TBC1D21: variants seen among roughly 807,000 people sequenced by gnomAD.
TBC1D21 encodes male germ cell Rab GTPase-activating protein.
In TBC1D21, 38 loss-of-function variants were observed where a neutral mutation model predicts 46.0. That is an observed-to-expected ratio of 0.83 (90% CI 0.64 to 1.08). The LOEUF (loss-of-function observed/expected upper bound fraction) is 1.08, where lower values mean the gene tolerates loss of function less well. TBC1D21 is among the 50% of genes least tolerant of loss of function. The probability of loss-of-function intolerance (pLI) is 0.00; values close to 1 mark genes in which losing one functional copy is unlikely to be tolerated. For missense variants in TBC1D21, 415 were observed against 417.9 expected (o/e 0.99, Z 0.06); for synonymous variants, 151 against 157.2 (o/e 0.96, Z 0.29).
chr15:73,889,437 C>T (rs776462490), downstream of TBC1D21, among the ~76,000 whole-genome samples: 1 of 152,178 alleles, frequency 6.6e-6, no homozygotes, highest in Non-Finnish European at 1.5e-5. Flanking sequence ...TAGAGTAGAA[C>T]CAGCTCTGAA....
At chr15:73,893,476 C>G (rs1380664729), downstream of TBC1D21, among the ~76,000 whole-genome samples, 3 of 152,208 alleles carry the variant, frequency 2.0e-5, no homozygotes, top group Non-Finnish European at 4.4e-5. Context: ...CCTCACCTCT[C>G]TTTCACTCTT....
chr15:73,894,714 C>T, the TBC1D21 span, among the ~76,000 whole-genome samples: 31 of 152,106 alleles, frequency 2.0e-4, no homozygotes, highest in Admixed American at 2.0e-4. Flanking sequence ...GAGGGCTGTG[C>T]AGGAGTAGCC....
the TBC1D21 span, among the ~76,000 whole-genome samples, chr15:73,910,008 A>G: frequency 6.6e-6 from 1 of 152,154 alleles, no homozygotes; most frequent in Admixed American, 6.5e-5. Flanking sequence ...AGATCCTCCA[A>G]TAAATCCTCA....
rs539517539 is a variant in TBC1D21 at position 73,876,199 on chromosome 15, GTTTTTTTTTTTTTTTTTTT to G, written c.60+2458_60+2476del. On this transcript the variant is annotated intron_variant, in intron 1 of 10. Transcript: ENST00000300504. ...GAAGAATCAGTGACTTTTTTTGTGGGTTTTTTTTTTTTTTTTTTTTTTTTTTTTTTTTTTTTTTTTTTTT... is the reference window on the plus strand; with the variant it reads ...GAAGAATCAGTGACTTTTTTTGTGGGTTTTTTTTTTTTTTTTTTTTTTTTT... 7.2e-3 allele frequency among the ~76,000 whole-genome samples: 203 copies of G among 28,298 alleles called. 9 individuals are homozygous for G. The highest frequency in any genetic ancestry group is 0.01 in the African/African-American group (176 of 17,382). The allele number at this position is 28,298 out of a possible 152,430, so 18.6% of individuals were successfully genotyped here.
At position 73,885,096 on chromosome 15, in the gene TBC1D21, A is replaced by G. The variant is rs757352991; in HGVS notation, c.572A>G (p.Gln191Arg). 19 of 1,612,330 alleles carry G rather than the reference A, an allele frequency of 1.2e-5. No homozygotes were observed. Among genetic ancestry groups the G allele is most frequent in the Non-Finnish European group, 1.6e-5 (19 of 1,179,918 alleles). The change falls in exon 6 of 11, where the codon CAG becomes CGG. Residue 191 changes from glutamine (Q) to arginine (R), a missense_variant. Physicochemically the swap from Gln to Arg is conservative, Grantham distance 43. Coordinates refer to ENST00000300504, the MANE Select transcript of TBC1D21 (RefSeq NM_153356.3). ...TTCTGGCTTTTCCAGTTCTTCCTGCAGAAAACGGTGAGGGCAAGGCCTGAG... is the reference window on the plus strand; with the variant it reads ...TTCTGGCTTTTCCAGTTCTTCCTGCGGAAAACGGTGAGGGCAAGGCCTGAG... ...ETFWLFQFFL[Q>R]KTEHSCVINI...
the TBC1D21 span, among the ~76,000 whole-genome samples, chr15:73,896,126 TGGA>T: frequency 1.1e-5 from 1 of 87,886 alleles, no homozygotes; most frequent in African/African-American, 3.4e-5. Context: ...AAAATGGGCT[TGGA>T]GGAGATGAGA....
Position 73,889,057 on chromosome 15 carries a change from C to T in TBC1D21, c.979-12C>T, listed in dbSNP as rs769097045. 1.2e-6 allele frequency: 2 copies of T among 1,613,452 alleles called. No individual in the cohort carries two copies. The highest frequency in any genetic ancestry group is 1.1e-5 in the South Asian group (1 of 90,758). On this transcript the variant is annotated splice_polypyrimidine_tract_variant and intron_variant, in intron 10 of 10. Coordinates refer to ENST00000300504, the MANE Select transcript of TBC1D21 (RefSeq NM_153356.3). The stretch of plus-strand genomic sequence containing the variant: ...CCAATGTCTGTGCACCTCCCACCTG[C>T]CTCCTCCCTAGGTTCCTCAGACATT...
At chr15:73,898,197 A>G in the TBC1D21 span, among the ~76,000 whole-genome samples, 3 of 152,236 alleles carry the variant, frequency 2.0e-5, no homozygotes, top group East Asian at 3.8e-4. Flanking sequence ...CTTCACCAGC[A>G]GGGAACTGCT....
Position 73,887,616 on chromosome 15 carries a change from A to G in TBC1D21, c.778-4A>G. On this transcript the variant is annotated splice_polypyrimidine_tract_variant and splice_region_variant and intron_variant, in intron 8 of 10. Coordinates refer to ENST00000300504, the MANE Select transcript of TBC1D21 (RefSeq NM_153356.3). ...GGCCCAGACTGAGACGTCCTGACCC[A>G]CAGGTTCTGCTGACGGGGAAGCCCT... 6.2e-7 allele frequency: 1 copy of G among 1,613,680 alleles called. No individual in the cohort carries two copies. The highest frequency in any genetic ancestry group is 8.5e-7 in the Non-Finnish European group (1 of 1,179,738).
At chr15:73,877,125 T>C (rs1446276524) in intron 1 of TBC1D21, among the ~76,000 whole-genome samples, 1 of 152,240 alleles carries the variant, frequency 6.6e-6, no homozygotes, top group Non-Finnish European at 1.5e-5. Context: ...ATATGTAAAG[T>C]GCTTAGAACA....
At position 73,887,605 on chromosome 15, in the gene TBC1D21, C is replaced by A. The variant is rs201344348; in HGVS notation, c.778-15C>A. On this transcript the variant is annotated splice_polypyrimidine_tract_variant and intron_variant, in intron 8 of 10. Transcript: ENST00000300504. ...TCAGACCACAGGGCCCAGACTGAGA[C>A]GTCCTGACCCACAGGTTCTGCTGAC... 1.2e-6 allele frequency: 2 copies of A among 1,610,584 alleles called. No homozygotes were observed. The highest frequency in any genetic ancestry group is 2.2e-5 in the East Asian group (1 of 44,880).
At chr15:73,905,021 A>G in the TBC1D21 span, among the ~76,000 whole-genome samples, 6 of 152,168 alleles carry the variant, frequency 3.9e-5, no homozygotes, top group Non-Finnish European at 8.8e-5. Context: ...GGAGAGTGAC[A>G]AACAAAGACC....
At chr15:73,885,252 C>T in intron 6 of TBC1D21, 149 bp downstream of exon 6, 1 of 718,124 alleles carries the variant, frequency 1.4e-6, no homozygotes, top group Non-Finnish European at 2.3e-6. Flanking sequence ...TGACGCTAAA[C>T]CCAGTGGTTC....
intron 9 of TBC1D21, 35 bp downstream of exon 9, chr15:73,887,771 T>C: frequency 6.3e-7 from 1 of 1,580,886 alleles, no homozygotes; most frequent in Non-Finnish European, 8.7e-7. Flanking sequence ...CCACCCCTGC[T>C]CCTGGAGGCC....
chr15:73,878,657 G>C lies in TBC1D21; in HGVS notation c.61-2742G>C, dbSNP rs191988601. 4.6e-5 allele frequency among the ~76,000 whole-genome samples: 7 copies of C among 152,238 alleles called. No homozygotes were observed. The East Asian group carries it at 1.3e-3, about 29-fold the overall frequency. ...AACAGAGAAATATATTGTGTTCACA[G>C]GTCAGAGGACTCAATAATGTCATCA... On this transcript the variant is annotated intron_variant, in intron 1 of 10. Coordinates refer to ENST00000300504, the MANE Select transcript of TBC1D21 (RefSeq NM_153356.3).
chr15:73,876,228 T>TG (rs1567062413), intron 1 of TBC1D21, among the ~76,000 whole-genome samples: 3 of 105,220 alleles, frequency 2.9e-5, no homozygotes, highest in African/African-American at 1.3e-4. Context: ...TTTTTTTTTT[T>TG]TTTTTTTTTT....
chr15:73,892,540 G>C (rs2068345417), downstream of TBC1D21, among the ~76,000 whole-genome samples: 1 of 152,230 alleles, frequency 6.6e-6, no homozygotes, highest in Non-Finnish European at 1.5e-5. Context: ...CATGGATGCT[G>C]TTTGTGGTAC....
At chr15:73,902,220 G>T in the TBC1D21 span, among the ~76,000 whole-genome samples, 1 of 152,150 alleles carries the variant, frequency 6.6e-6, no homozygotes, top group Admixed American at 6.5e-5. Context: ...CTACCACACC[G>T]AAGAACCTAA....
Position 73,886,521 on chromosome 15 carries a change from G to A in TBC1D21, c.686G>A (p.Gly229Asp), listed in dbSNP as rs748152089. 22 of 1,613,606 alleles carry A rather than the reference G, an allele frequency of 1.4e-5. No individual in the cohort carries two copies. The highest frequency in any genetic ancestry group is 4.4e-5 in the South Asian group (4 of 91,060). ...CCTTCTCTCCCCACAGAAGGGAAGG[G>A]TGCAGGGGCTGTGCAGTCCCTCTTC... is the stretch of plus-strand genomic sequence containing the variant. ...PVFAEHLKGK[G>D]AGAVQSLFPW... The change falls in exon 8 of 11, where the codon GGT (glycine) becomes GAT (aspartate). Residue 229 changes from glycine to aspartate, a missense_variant. By Grantham distance (94) the Gly-to-Asp change is moderately conservative. Coordinates refer to ENST00000300504, the MANE Select transcript of TBC1D21 (RefSeq NM_153356.3).
Sources: allele counts gnomAD v4.1 joint callset (sites outside exome capture counted in the v4.1 genomes callset), GRCh38; gene constraint gnomAD v4.1.1; transcripts MANE v1.5; gene names NCBI Gene and HGNC (gene_info 2026-07-23, HGNC 2026-07-21).